Variants in ACAD10 observed in about 807,000 individuals in gnomAD.
ACAD10 encodes the protein ACAD-10.
In ACAD10, 112 loss-of-function variants were observed where a neutral mutation model predicts 116.8. The ratio of observed to expected loss-of-function variants is 0.96; its 90% CI spans 0.82 to 1.12. The LOEUF (loss-of-function observed/expected upper bound fraction) is 1.12. Among genes scored for constraint, ACAD10 ranks in the 50% most tolerant of loss-of-function variants. The pLI is 0.00. For missense variants in ACAD10, 1,259 were observed against 1,350.2 expected (o/e 0.93, Z 1.06); for synonymous variants, 486 against 510.6 (o/e 0.95, Z 0.65).
At chr12:111,706,782 A>ATATATATTTTTTTT (rs778649893) in intron 4 of ACAD10, among the ~76,000 whole-genome samples, 9 of 126,500 alleles carry the variant, frequency 7.1e-5, no homozygotes, top group African/African-American at 2.8e-4. Flanking sequence ...ATATATATAT[A>ATATATATTTTTTTT]TTTTTTTTTT....
At chr12:111,751,337 G>A (rs979618615) in intron 18 of ACAD10, among the ~76,000 whole-genome samples, 3 of 152,198 alleles carry the variant, frequency 2.0e-5, no homozygotes, top group African/African-American at 7.2e-5. Flanking sequence ...CTGTGGCCAG[G>A]TGTGGTGACA....
intron 12 of ACAD10, 25 bp downstream of exon 12, chr12:111,737,029 G>T (rs764274344): frequency 1.2e-6 from 2 of 1,609,830 alleles, no homozygotes; most frequent in Admixed American, 3.3e-5. Context: ...GCCCTGAAGA[G>T]CCACTGCGGG....
At chr12:111,725,383 A>G (rs1889182846) in intron 8 of ACAD10, among the ~76,000 whole-genome samples, 1 of 151,960 alleles carries the variant, frequency 6.6e-6, no homozygotes, top group African/African-American at 2.4e-5. Context: ...GGAGGTGCAC[A>G]CCTGTAGTCC....
At chr12:111,753,677 C>A in intron 18 of ACAD10, 95 bp from the exon 19 acceptor site, 1 of 1,552,928 alleles carries the variant, frequency 6.4e-7, no homozygotes, top group Non-Finnish European at 8.9e-7. Flanking sequence ...CCTGTCCTGT[C>A]TGCTTCCACC....
chr12:111,698,031 G>T (rs1437828344), intron 2 of ACAD10, among the ~76,000 whole-genome samples: 12 of 135,176 alleles, frequency 8.9e-5, no homozygotes, highest in African/African-American at 3.4e-4. Context: ...GTCTCACTCT[G>T]TCACCCAGGC....
intron 7 of ACAD10, among the ~76,000 whole-genome samples, chr12:111,716,986 C>T (rs753673243): frequency 9.9e-5 from 15 of 152,112 alleles, no homozygotes; most frequent in African/African-American, 3.4e-4. Context: ...TAACATTTAT[C>T]GAATGGTTAA....
intron 18 of ACAD10, 21 bp downstream of exon 18, chr12:111,749,366 C>T: frequency 1.3e-6 from 2 of 1,596,206 alleles, no homozygotes; most frequent in East Asian, 2.2e-5. Flanking sequence ...TCCCCCGCAC[C>T]CAGCACTGAC....
intron 1 of ACAD10, chr12:111,688,161 G>C (rs1260131460): frequency 6.6e-6 from 1 of 151,950 alleles, no homozygotes; most frequent in African/African-American, 2.4e-5. Flanking sequence ...CACCGCGCCC[G>C]GCCCCCCCAA....
Position 111,741,992 on chromosome 12 carries a change from TG to T in ACAD10, c.1715-2650del, listed in dbSNP as rs1889757947. On this transcript the variant is annotated intron_variant, in intron 12 of 20. Transcript: ENST00000313698. ...ACAGTATGTACCTGCCCAGCCCATG[TG>T]TCCTTCTCCTTCCTTAATAAGTGGG... 2.6e-5 allele frequency among the ~76,000 whole-genome samples: 4 copies of T among 152,326 alleles called. No individual in the cohort carries two copies. In the South Asian group the frequency reaches 8.3e-4, roughly 32 times the overall value.
At chr12:111,750,167 C>G (rs764202624) in intron 18 of ACAD10, among the ~76,000 whole-genome samples, 16 of 150,330 alleles carry the variant, frequency 1.1e-4, no homozygotes, top group Admixed American at 3.3e-4. Flanking sequence ...TCTTGGCTCA[C>G]TGCAACCTCT....
intron 8 of ACAD10, among the ~76,000 whole-genome samples, chr12:111,724,879 C>G (rs1417238149): frequency 6.6e-6 from 1 of 150,758 alleles, no homozygotes; most frequent in African/African-American, 2.4e-5. Flanking sequence ...AGAGGGAGAC[C>G]GTGGAAAGAG....
intron 18 of ACAD10, among the ~76,000 whole-genome samples, chr12:111,750,863 A>C (rs890379335): frequency 1.6e-4 from 25 of 152,242 alleles, no homozygotes; most frequent in Non-Finnish European, 3.7e-4. Context: ...TGCTATTGAA[A>C]GAACAGAGGC....
Position 111,712,361 on chromosome 12 carries a change from T to C in ACAD10, c.691-137T>C. ...ATTGACTGCTGGCACCTGTTCAATATATATTCTCTGCACCTGTACTACCAT... is the reference window on the plus strand; with the variant it reads ...ATTGACTGCTGGCACCTGTTCAATACATATTCTCTGCACCTGTACTACCAT... On this transcript the variant is annotated intron_variant, in intron 5 of 20. Transcript: ENST00000313698. 6.4e-6 allele frequency: 5 copies of C among 779,926 alleles called. No homozygotes were observed. The South Asian group carries it at 1.0e-4, about 16-fold the overall frequency. 48.3% of individuals were successfully genotyped at this position (779,926 alleles called of 1,614,324 possible).
chr12:111,737,071 G>A (rs1889588054), intron 12 of ACAD10, 67 bp downstream of exon 12: 1 of 1,538,120 alleles, frequency 6.5e-7, no homozygotes, highest in African/African-American at 1.4e-5. Flanking sequence ...GCCTCCACCT[G>A]GAAACCCTCT....
intron 11 of ACAD10, among the ~76,000 whole-genome samples, chr12:111,736,003 C>T (rs1483822422): frequency 6.6e-6 from 1 of 151,886 alleles, no homozygotes; most frequent in Non-Finnish European, 1.5e-5. Flanking sequence ...CCTCGGCCTC[C>T]TGAGTAGCTG....
intron 10 of ACAD10, among the ~76,000 whole-genome samples, chr12:111,733,522 A>G (rs529967666): frequency 6.6e-6 from 1 of 152,032 alleles, no homozygotes; most frequent in Admixed American, 6.6e-5. Flanking sequence ...CACGTGTCTT[A>G]TATCTGTTAG....
At chr12:111,713,774 T>G (rs975144884) in intron 6 of ACAD10, among the ~76,000 whole-genome samples, 2 of 151,600 alleles carry the variant, frequency 1.3e-5, no homozygotes, top group Non-Finnish European at 2.9e-5. Context: ...CCATCTCTAC[T>G]AAAAATATAA....
At chr12:111,731,530 C>T (rs1333199240) in intron 10 of ACAD10, among the ~76,000 whole-genome samples, 1 of 152,172 alleles carries the variant, frequency 6.6e-6, no homozygotes, top group Non-Finnish European at 1.5e-5. Flanking sequence ...CAACAATCCA[C>T]GAATGTGATC....
Position 111,748,352 on chromosome 12 carries a change from A to G in ACAD10, c.2521A>G (p.Met841Val), listed in dbSNP as rs1379975256. ...LDPRCQLCVF[M>V]GKTDPHAPRH... The stretch of plus-strand genomic sequence containing the variant: ...TCCTCGTTGCCAACTCTGTGTGTTT[A>G]TGGGAAAAACAGACCCACATGCACC... The change falls in exon 17 of 21, where the codon ATG (methionine) becomes GTG (valine). Residue 841 changes from methionine (M) to valine (V), a missense_variant. Coordinates refer to ENST00000313698, the MANE Select transcript of ACAD10 (RefSeq NM_025247.6). 4 of 1,614,002 alleles carry G rather than the reference A, an allele frequency of 2.5e-6. No homozygotes were observed. The highest frequency in any genetic ancestry group is 1.7e-5 in the Admixed American group (1 of 60,002).
Sources: gnomAD v4.1 joint callset for allele counts (sites outside exome capture counted in the v4.1 genomes callset) on GRCh38, gnomAD v4.1.1 for gene constraint, MANE v1.5 for transcripts, NCBI Gene and HGNC (gene_info 2026-07-23, HGNC 2026-07-21) for gene names.